CD300A: variants seen among roughly 807,000 people sequenced by gnomAD.
CD300A encodes the protein CMRF35-like molecule 8.
In CD300A, 22 loss-of-function variants were observed where a neutral mutation model predicts 33.6. The ratio of observed to expected loss-of-function variants is 0.66; its 90% CI spans 0.47 to 0.94. The LOEUF (loss-of-function observed/expected upper bound fraction) is 0.94, where lower values mean the gene tolerates loss of function less well. Among genes scored for constraint, CD300A ranks in the 40% least tolerant of loss-of-function variants. The pLI is 0.00. For synonymous variants in CD300A, 136 were observed against 148.1 expected (o/e 0.92, Z 0.59); for missense variants, 326 against 360.5 (o/e 0.90, Z 0.77).
At chr17:74,469,069 C>T (rs1006600137) in intron 1 of CD300A, among the ~76,000 whole-genome samples, 1 of 152,074 alleles carries the variant, frequency 6.6e-6, no homozygotes, top group African/African-American at 2.4e-5. Flanking sequence ...GGGAGATCTC[C>T]CTGTTTCCGT....
At chr17:74,474,194 G>GC (rs1024608891) in intron 2 of CD300A, among the ~76,000 whole-genome samples, 3 of 151,694 alleles carry the variant, frequency 2.0e-5, no homozygotes, top group Admixed American at 1.3e-4. Flanking sequence ...GAGGCTGGGG[G>GC]GCCAGATGGG....
intron 6 of CD300A, among the ~76,000 whole-genome samples, chr17:74,483,272 C>T (rs1432909349): frequency 2.0e-5 from 3 of 152,192 alleles, no homozygotes; most frequent in Non-Finnish European, 4.4e-5. Flanking sequence ...GCTTCAACTC[C>T]ACCTAGAGAA....
intron 2 of CD300A, among the ~76,000 whole-genome samples, 163 bp downstream of exon 2, chr17:74,474,037 C>T (rs911294210): frequency 6.6e-6 from 1 of 152,144 alleles, no homozygotes; most frequent in Non-Finnish European, 1.5e-5. Context: ...CCTGGAGCAG[C>T]TGACATGTCT....
At chr17:74,483,364 CTT>C (rs112316749) in intron 6 of CD300A, among the ~76,000 whole-genome samples, 8 of 139,468 alleles carry the variant, frequency 5.7e-5, no homozygotes, top group Non-Finnish European at 6.2e-5. Flanking sequence ...TTCTTTTTTT[CTT>C]TTTTTTTTTT....
chr17:74,482,732 T>TTCTTTCTTTCTCTCTC (rs1336360956), intron 6 of CD300A, among the ~76,000 whole-genome samples: 1 of 132,948 alleles, frequency 7.5e-6, no homozygotes, highest in African/African-American at 3.8e-5. Context: ...CTTTCTTTCT[T>TTCTTTCTTTCTCTCTC]TGGAATCTCG....
rs769253836 is a variant in CD300A, at chr17:74,473,744, C to A, written c.249C>A (p.Asn83Lys). ...GRVSIRDSPA[N>K]LSFTVTLENL... ...TGTCCATCAGGGACAGTCCTGCAAA[C>A]CTCAGCTTCACAGTGACCCTGGAGA... The change falls in exon 2 of 7, where the codon AAC becomes AAA. Residue 83 changes from asparagine (N) to lysine (K), a missense_variant. Asn to Lys is a moderately conservative substitution (Grantham distance 94). Transcript: ENST00000360141. 2 of 1,614,250 alleles carry A rather than the reference C, an allele frequency of 1.2e-6. No homozygotes were observed. The highest frequency in any genetic ancestry group is 3.3e-5 in the Admixed American group (2 of 60,022).
chr17:74,474,413 C>T, intron 2 of CD300A, 119 bp from the exon 3 acceptor site: 3 of 1,020,192 alleles, frequency 2.9e-6, no homozygotes, highest in Non-Finnish European at 4.5e-6. Context: ...CCCCAGGGTC[C>T]TGCATCCTGC....
At position 74,482,678 on chromosome 17, in the gene CD300A, G is replaced by GTTCCTTCC. The variant is rs200839026; in HGVS notation, c.774+860_774+867dup. ...AGGGTCCTGGATGGCTCCTGGCCAA[G>GTTCCTTCC]TTCCTTCCTTCCTTCCTTCCTTTCT... On this transcript the variant is annotated intron_variant, in intron 6 of 6. Coordinates refer to ENST00000360141, the MANE Select transcript of CD300A (RefSeq NM_007261.4). Among the ~76,000 whole-genome samples the GTTCCTTCC allele has an allele frequency of 3.0e-4, 39 of 129,552 alleles. No homozygotes were observed. The East Asian group carries it at 3.9e-3, about 13-fold the overall frequency. The allele number at this position is 129,552 out of a possible 152,430, so 85.0% of individuals were successfully genotyped here.
intron 1 of CD300A, among the ~76,000 whole-genome samples, chr17:74,467,378 C>T (rs1372126202): frequency 6.6e-6 from 1 of 152,030 alleles, no homozygotes; most frequent in African/African-American, 2.4e-5. Flanking sequence ...GGCCTGAGAA[C>T]CAGGGGTCAG....
rs746440478 is a variant in CD300A at position 74,484,058 on chromosome 17, AG to A, written c.834del (p.Ile279Ter). 31 of 1,614,114 alleles carry A rather than the reference AG, an allele frequency of 1.9e-5. No homozygotes were observed. In the African/African-American group the frequency reaches 3.7e-4, roughly 19 times the overall value. ...GGTGGTGTTTGATTCTAACACCAAC[AG>A]GATAGCTGCTCAGAGGCCTCGGGAG... Reference protein sequence around the residue: ...ASVVFDSNTNRIAAQRPREEE... With the variant: ...ASVVFDSNTNXIAAQRPREEE... On this transcript the variant is annotated frameshift_variant, in exon 7 of 7. Coordinates refer to ENST00000360141, the MANE Select transcript of CD300A (RefSeq NM_007261.4). LOFTEE classifies it low-confidence loss of function (END_TRUNC).
chr17:74,477,509 A>T lies in CD300A; in HGVS notation c.607A>T (p.Met203Leu), dbSNP rs549548126. The T allele has an allele frequency of 1.2e-6, 2 of 1,612,826 alleles. No homozygotes were observed. Among genetic ancestry groups the T allele is most frequent in the Non-Finnish European group, 1.7e-6 (2 of 1,179,730 alleles). ...LVGASLLAWR[M>L]FQKWIKAGDH... Reference sequence around the variant, plus strand: ...GGGGGCCTCCCTGCTAGCCTGGAGGATGTTTCAGAAATGGATCAAAGGTGA... The same window carrying T: ...GGGGGCCTCCCTGCTAGCCTGGAGGTTGTTTCAGAAATGGATCAAAGGTGA... Residue 203 changes from methionine to leucine, a missense_variant, in exon 4 of 7, where the codon ATG becomes TTG. By Grantham distance (15) the Met-to-Leu change is conservative (BLOSUM62 2). Coordinates refer to ENST00000360141, the MANE Select transcript of CD300A (RefSeq NM_007261.4).
chr17:74,472,782 G>T (rs1290033008), intron 1 of CD300A, among the ~76,000 whole-genome samples: 1 of 152,018 alleles, frequency 6.6e-6, no homozygotes, highest in Non-Finnish European at 1.5e-5. Context: ...GCTAATTTTT[G>T]TATTTTTAGT....
At chr17:74,468,009 TTTTATTTATTTATTTA>T (rs138029210) in intron 1 of CD300A, among the ~76,000 whole-genome samples, 34 of 146,346 alleles carry the variant, frequency 2.3e-4, no homozygotes, top group African/African-American at 8.1e-4. Flanking sequence ...GCATTTTTAC[TTTTATTTATTTATTTA>T]TTTATTTATT....
chr17:74,477,106 C>T (rs1906517254), intron 3 of CD300A, among the ~76,000 whole-genome samples: 1 of 152,124 alleles, frequency 6.6e-6, no homozygotes, highest in Admixed American at 6.5e-5. Flanking sequence ...TTGGCTCATG[C>T]CTGTCATCCC....
intron 4 of CD300A, among the ~76,000 whole-genome samples, chr17:74,477,856 T>C (rs1906581076): frequency 6.6e-6 from 1 of 152,070 alleles, no homozygotes; most frequent in African/African-American, 2.4e-5. Context: ...TAGTTCCAGC[T>C]ACTCAGGAGG....
At chr17:74,466,605 A>G, upstream of CD300A, 2 of 1,361,990 alleles carry the variant, frequency 1.5e-6, no homozygotes, top group Non-Finnish European at 2.0e-6. Context: ...CGCGGCACCA[A>G]GAAAAGCAGA....
At chr17:74,482,678 G>GTTCGTTCGTTCC (rs1906947073) in intron 6 of CD300A, among the ~76,000 whole-genome samples, 1 of 129,480 alleles carries the variant, frequency 7.7e-6, no homozygotes, top group African/African-American at 4.3e-5. Flanking sequence ...TCCTGGCCAA[G>GTTCGTTCGTTCC]TTCCTTCCTT....
rs766936689 is a variant in CD300A, at chr17:74,481,335, G to C, written c.666+9G>C. 5 of 1,613,572 alleles carry C rather than the reference G, an allele frequency of 3.1e-6. No homozygotes were observed. The Admixed American group carries it at 5.0e-5, about 16-fold the overall frequency. On this transcript the variant is annotated intron_variant, in intron 5 of 6. Transcript: ENST00000360141. Reference sequence around the variant, plus strand: ...CCCAGAACCCCAAGCAGGTAAGGGGGCTTTAGCAGGAGGTGTATCAGGTGG... The same window carrying C: ...CCCAGAACCCCAAGCAGGTAAGGGGCCTTTAGCAGGAGGTGTATCAGGTGG...
intron 1 of CD300A, among the ~76,000 whole-genome samples, chr17:74,468,368 C>T (rs6501716): frequency 0.56 from 85,510 of 151,904 alleles, 26,912 homozygotes; most frequent in African/African-American, 0.85. Flanking sequence ...GGTCTCCCTC[C>T]GTCACCCAAA....
Sources: allele counts gnomAD v4.1 joint callset (sites outside exome capture counted in the v4.1 genomes callset), GRCh38; gene constraint gnomAD v4.1.1; transcripts MANE v1.5; gene names NCBI Gene and HGNC (gene_info 2026-07-23, HGNC 2026-07-21).